The following SLC13A3 variants were observed in gnomAD, a reference collection of about 807,000 sequenced individuals.
SLC13A3 encodes the protein solute carrier family 13 member 3, also known as Na(+)/dicarboxylate cotransporter 3.
Under a neutral mutation model 59.0 loss-of-function variants are expected in SLC13A3, and 40 were observed. The ratio of observed to expected loss-of-function variants is 0.68; its 90% CI spans 0.53 to 0.88. SLC13A3 has a LOEUF of 0.88. SLC13A3 is among the 40% of genes least tolerant of loss of function. The pLI is 0.00. For missense variants in SLC13A3, 699 were observed against 783.2 expected (o/e 0.89, Z 1.28); for synonymous variants, 317 against 330.3 (o/e 0.96, Z 0.44).
At chr20:46,620,940 A>T (rs2062607992) in intron 1 of SLC13A3, among the ~76,000 whole-genome samples, 1 of 152,232 alleles carries the variant, frequency 6.6e-6, no homozygotes, top group South Asian at 2.1e-4. Context: ...GTAACAGGAG[A>T]TGAAACATGG....
chr20:46,679,927 G>T (rs2063146310), intron 1 of SLC13A3, among the ~76,000 whole-genome samples: 2 of 151,880 alleles, frequency 1.3e-5, no homozygotes, highest in Non-Finnish European at 2.9e-5. Flanking sequence ...AAAAAAGAGG[G>T]TGACTTTTGG....
chr20:46,624,387 A>T (rs2062646706), intron 1 of SLC13A3, among the ~76,000 whole-genome samples: 1 of 152,200 alleles, frequency 6.6e-6, no homozygotes, highest in Admixed American at 6.5e-5. Context: ...TTGTCACAAC[A>T]GCCCTATGCA....
intron 1 of SLC13A3, chr20:46,676,140 C>T (rs1014930842): frequency 3.9e-5 from 6 of 152,170 alleles, no homozygotes; most frequent in Admixed American, 1.3e-4. Flanking sequence ...AACTCCTGAC[C>T]TCAGGTGATC....
At chr20:46,580,000 C>G (rs1363804390) in intron 9 of SLC13A3, among the ~76,000 whole-genome samples, 3 of 152,064 alleles carry the variant, frequency 2.0e-5, no homozygotes, top group Non-Finnish European at 2.9e-5. Flanking sequence ...GAGTCTTACT[C>G]TTTCAACCAG....
At chr20:46,668,526 AGTT>A (rs2063073472) in intron 1 of SLC13A3, among the ~76,000 whole-genome samples, 1 of 152,208 alleles carries the variant, frequency 6.6e-6, no homozygotes, top group Non-Finnish European at 1.5e-5. Context: ...AAGTTAGCTG[AGTT>A]CATGAGTTTA....
intron 1 of SLC13A3, among the ~76,000 whole-genome samples, chr20:46,627,431 G>A (rs897915635): frequency 3.3e-5 from 5 of 152,148 alleles, no homozygotes; most frequent in Non-Finnish European, 7.4e-5. Context: ...GGACTGTGGT[G>A]AAGTGGGGAA....
intron 1 of SLC13A3, among the ~76,000 whole-genome samples, chr20:46,626,212 T>C (rs2062669857): frequency 6.8e-6 from 1 of 147,402 alleles, no homozygotes; most frequent in African/African-American, 2.5e-5. Flanking sequence ...CCTCTGTCTG[T>C]CCTCTCTCTC....
At chr20:46,664,795 C>T (rs1300561271) in intron 1 of SLC13A3, among the ~76,000 whole-genome samples, 1 of 152,134 alleles carries the variant, frequency 6.6e-6, no homozygotes, top group Non-Finnish European at 1.5e-5. Flanking sequence ...AAAGTGAACA[C>T]ATGAACTTCT....
Position 46,563,495 on chromosome 20 carries a change from G to GCAGC in SLC13A3, c.1547_1550dup (p.Cys517TrpfsTer66). 6.2e-7 allele frequency: 1 copy of GCAGC among 1,614,096 alleles called. No individual in the cohort carries two copies. Among genetic ancestry groups the GCAGC allele is most frequent in the Non-Finnish European group, 8.5e-7 (1 of 1,180,012 alleles). On this transcript the variant is annotated frameshift_variant, in exon 12 of 13. Coordinates refer to ENST00000279027, the MANE Select transcript of SLC13A3 (RefSeq NM_022829.6). LOFTEE classifies it high-confidence loss of function. ...AGACCGGGAGCATGAAGGCAAAGGA[G>GCAGC]CAGCCGACTGTGCCCGGAATCATCA...
At chr20:46,571,583 G>A (rs780934598) in intron 10 of SLC13A3, among the ~76,000 whole-genome samples, 4 of 152,126 alleles carry the variant, frequency 2.6e-5, no homozygotes, top group East Asian at 1.9e-4. Context: ...TTACGCACCC[G>A]GTGTCTTCTA....
chr20:46,656,710 T>C (rs1015037805), intron 1 of SLC13A3, among the ~76,000 whole-genome samples: 1 of 151,676 alleles, frequency 6.6e-6, no homozygotes, highest in Non-Finnish European at 1.5e-5. Flanking sequence ...TAATTTTATG[T>C]CCCACTTTCT....
At chr20:46,624,409 G>T (rs1416971154) in intron 1 of SLC13A3, among the ~76,000 whole-genome samples, 2 of 152,222 alleles carry the variant, frequency 1.3e-5, no homozygotes, top group East Asian at 3.9e-4. Context: ...GAGGTTCCAT[G>T]ATTATCTCCA....
At chr20:46,633,119 C>A (rs8123587) in intron 1 of SLC13A3, among the ~76,000 whole-genome samples, 13,699 of 152,124 alleles carry the variant, frequency 0.09, 638 homozygotes, top group African/African-American at 0.11. Flanking sequence ...AGCTACTTCA[C>A]GTCCACCATT....
At chr20:46,598,823 C>G (rs2062343082) in intron 4 of SLC13A3, among the ~76,000 whole-genome samples, 1 of 152,036 alleles carries the variant, frequency 6.6e-6, no homozygotes, top group South Asian at 2.1e-4. Context: ...ACTCTCAGAC[C>G]CCACCTCCTA....
chr20:46,683,413 G>A (rs2063163279), intron 1 of SLC13A3, among the ~76,000 whole-genome samples: 1 of 152,132 alleles, frequency 6.6e-6, no homozygotes, highest in Non-Finnish European at 1.5e-5. Flanking sequence ...CACGTGTACA[G>A]TAATAAAGAA....
rs143772223 is a variant in SLC13A3, at chr20:46,635,377, C to T, written c.111+15934G>A. Among the ~76,000 whole-genome samples, 16 of 152,330 alleles carry T rather than the reference C, an allele frequency of 1.1e-4. No homozygotes were observed. The East Asian group carries it at 3.1e-3, about 29-fold the overall frequency. Reference sequence around the variant, plus strand: ...CCTCTACCGAGGCCAAGAAGCACAGCCGCGTCCATGCAAAGTGACTTTTGC... The same window carrying T: ...CCTCTACCGAGGCCAAGAAGCACAGTCGCGTCCATGCAAAGTGACTTTTGC... On this transcript the variant is annotated intron_variant, in intron 1 of 12. Coordinates refer to ENST00000279027, the MANE Select transcript of SLC13A3 (RefSeq NM_022829.6).
chr20:46,609,530 A>C (rs1190832344), intron 3 of SLC13A3, among the ~76,000 whole-genome samples: 1 of 152,140 alleles, frequency 6.6e-6, no homozygotes, highest in African/African-American at 2.4e-5. Flanking sequence ...TTTCCATAGC[A>C]ACCATTCTGA....
At position 46,678,476 on chromosome 20, in the gene SLC13A3, A is replaced by T. The variant is rs79310671; in HGVS notation, c.-31+5920T>A. On this transcript the variant is annotated intron_variant, in intron 1 of 6. Transcript: ENST00000372121. ...TGAGGTCTGAGGTCACTAAGAACAG[A>T]CTCACACTCTGCCCATCCCTCTACC... 1.5e-3 allele frequency among the ~76,000 whole-genome samples: 228 copies of T among 152,200 alleles called. 1 individual carries two copies. Among genetic ancestry groups the T allele is most frequent in the African/African-American group, 5.2e-3 (218 of 41,532 alleles).
upstream of SLC13A3, among the ~76,000 whole-genome samples, chr20:46,671,172 A>G (rs942216729): frequency 1.1e-4 from 17 of 152,176 alleles, no homozygotes; most frequent in African/African-American, 4.1e-4. Flanking sequence ...GTGCCACTTT[A>G]GCCAAGGTCA....
Sources: gnomAD v4.1 joint callset for allele counts (sites outside exome capture counted in the v4.1 genomes callset) on GRCh38, gnomAD v4.1.1 for gene constraint, MANE v1.5 for transcripts, NCBI Gene and HGNC (gene_info 2026-07-23, HGNC 2026-07-21) for gene names.